ATP6V1A: variants seen among roughly 807,000 people sequenced by gnomAD.
ATP6V1A encodes the protein ATPase H+ transporting V1 subunit A.
A neutral mutation model predicts 70.1 loss-of-function variants in ATP6V1A; 18 were observed. That is an observed-to-expected ratio of 0.26 (90% CI 0.18 to 0.38). The LOEUF (loss-of-function observed/expected upper bound fraction) is 0.38, where lower values mean the gene tolerates loss of function less well. ATP6V1A is among the 10% of genes least tolerant of loss of function. ATP6V1A has a pLI of 1.00. For missense variants in ATP6V1A, 424 were observed against 772.4 expected (o/e 0.55, Z 5.35); for synonymous variants, 232 against 253.8 (o/e 0.91, Z 0.82).
At chr3:113,805,245 C>A (rs1343016799) in intron 13 of ATP6V1A, 109 bp from the exon 14 acceptor site, 3 of 1,075,628 alleles carry the variant, frequency 2.8e-6, no homozygotes, top group Admixed American at 2.8e-5. Flanking sequence ...AATAAATAAG[C>A]AATCTGCATA....
At chr3:113,774,367 A>G (rs1014947026) in intron 1 of ATP6V1A, among the ~76,000 whole-genome samples, 1 of 152,342 alleles carries the variant, frequency 6.6e-6, no homozygotes, top group East Asian at 1.9e-4. Flanking sequence ...CATCAGTATT[A>G]CTTTTCTGTT....
chr3:113,750,606 A>C (rs911462173), intron 1 of ATP6V1A, among the ~76,000 whole-genome samples: 3 of 152,230 alleles, frequency 2.0e-5, no homozygotes, highest in Non-Finnish European at 2.9e-5. Context: ...TGGCCCTACC[A>C]CTTAATAACT....
chr3:113,790,365 C>CG (rs374206096), intron 8 of ATP6V1A, among the ~76,000 whole-genome samples: 5 of 147,926 alleles, frequency 3.4e-5, no homozygotes, highest in African/African-American at 1.2e-4. Flanking sequence ...GAATGTAAGA[C>CG]ATTTATAGAG....
Position 113,781,180 on chromosome 3 carries a change from T to C in ATP6V1A, c.211+2T>C, listed in dbSNP as rs1708972812. 1 of 1,603,242 alleles carries C rather than the reference T, an allele frequency of 6.2e-7. No individual in the cohort carries two copies. Among genetic ancestry groups the C allele is most frequent in the East Asian group, 2.3e-5 (1 of 44,388 alleles). ...CTATTCAGGTGTATGAAGAAACTTG[T>C]ATCCTTTTTGGCTCAATTTCCTGCC... On this transcript the variant is annotated splice_donor_variant, in intron 3 of 14. Coordinates refer to ENST00000273398, the MANE Select transcript of ATP6V1A (RefSeq NM_001690.4). LOFTEE classifies it high-confidence loss of function.
intron 1 of ATP6V1A, among the ~76,000 whole-genome samples, chr3:113,755,431 CAAAA>C (rs1184456240): frequency 2.6e-5 from 1 of 38,042 alleles, no homozygotes. Context: ...CATGTCTGTA[CAAAA>C]AAAAAAAAAA....
intron 12 of ATP6V1A, 46 bp downstream of exon 12, chr3:113,798,492 G>C (rs776553315): frequency 1.3e-6 from 2 of 1,593,570 alleles, no homozygotes; most frequent in Non-Finnish European, 8.6e-7. Flanking sequence ...GGTTACACTG[G>C]GGTGTTTCAA....
In ATP6V1A at chr3:113,755,203, T is replaced by A. The variant is rs1427591418; in HGVS notation, c.-14+8090T>A. On this transcript the variant is annotated intron_variant, in intron 1 of 14. Coordinates refer to ENST00000273398, the MANE Select transcript of ATP6V1A (RefSeq NM_001690.4). ...GAGGAGTTACTTGTGTCTTTTTGCA[T>A]TGCATTTTTCTCAACTTTAAAATAA... is the stretch of plus-strand genomic sequence containing the variant. 4.6e-5 allele frequency among the ~76,000 whole-genome samples: 7 copies of A among 152,278 alleles called. No homozygotes were observed. The South Asian group carries it at 1.5e-3, about 32-fold the overall frequency.
In ATP6V1A at chr3:113,798,357, T is replaced by C. The variant is rs766232174; in HGVS notation, c.1405T>C (p.Phe469Leu). The C allele has an allele frequency of 6.2e-7, 1 of 1,613,938 alleles. No homozygotes were observed. The highest frequency in any genetic ancestry group is 8.5e-7 in the Non-Finnish European group (1 of 1,179,950). ...RALDEYYDKH[F>L]TEFVPLRTKA... ...CTTGGATGAATACTATGACAAACACTTCACAGAGTTCGTTCCTCTGAGGAC... is the reference window on the plus strand; with the variant it reads ...CTTGGATGAATACTATGACAAACACCTCACAGAGTTCGTTCCTCTGAGGAC... The change falls in exon 12 of 15, where the codon TTC becomes CTC. Residue 469 changes from phenylalanine to leucine, a missense_variant. This residue lies in a region of ATP6V1A where 127 missense variants were observed against 207.9 expected (regional missense o/e 0.61). Transcript: ENST00000273398.
At chr3:113,808,079 G>C (rs1709297044) in intron 14 of ATP6V1A, among the ~76,000 whole-genome samples, 1 of 149,224 alleles carries the variant, frequency 6.7e-6, no homozygotes, top group South Asian at 2.1e-4. Context: ...GCGGTGAGCT[G>C]AGATCACACC....
At chr3:113,808,809 A>G (rs1559762747) in intron 14 of ATP6V1A, among the ~76,000 whole-genome samples, 1 of 152,200 alleles carries the variant, frequency 6.6e-6, no homozygotes, top group African/African-American at 2.4e-5. Flanking sequence ...TGTGGTTATC[A>G]GGCAAAATGC....
At chr3:113,770,305 C>G (rs1708820397) in intron 1 of ATP6V1A, among the ~76,000 whole-genome samples, 1 of 152,172 alleles carries the variant, frequency 6.6e-6, no homozygotes, top group Admixed American at 6.5e-5. Flanking sequence ...CTGCCTCGGC[C>G]TCCCAAAGTT....
intron 3 of ATP6V1A, among the ~76,000 whole-genome samples, chr3:113,782,540 CTCTA>C (rs1281115132): frequency 1.1e-4 from 16 of 144,566 alleles, no homozygotes; most frequent in South Asian, 4.3e-4. Flanking sequence ...CTCTCTCTCT[CTCTA>C]TATATATATA....
intron 11 of ATP6V1A, among the ~76,000 whole-genome samples, chr3:113,797,713 C>A (rs556213296): frequency 1.2e-4 from 18 of 152,104 alleles, no homozygotes; most frequent in African/African-American, 4.1e-4. Flanking sequence ...ATTTTAAATT[C>A]GATTTGTAGG....
rs1232022908 is a variant in ATP6V1A at position 113,810,875 on chromosome 3, G to A, written c.*1448G>A. ...CTTTCATATGGTTTTTGGTTCACTG[G>A]CTTAAGAGGTTTCTCAGAATATCTA... is the stretch of plus-strand genomic sequence containing the variant. On this transcript the variant is annotated 3_prime_UTR_variant, in exon 15 of 15. Transcript: ENST00000273398. The A allele has an allele frequency of 1.3e-5, 2 of 152,130 alleles. No individual in the cohort carries two copies. The highest frequency in any genetic ancestry group is 2.4e-5 in the African/African-American group (1 of 41,422). The allele number at this position is 152,130 out of a possible 1,614,324, so 9.4% of individuals were successfully genotyped here.
rs573046978 is a variant in ATP6V1A at position 113,807,704 on chromosome 3, G to A, written c.1762-1631G>A. Among the ~76,000 whole-genome samples, 13 of 152,220 alleles carry A rather than the reference G, an allele frequency of 8.5e-5. 1 individual carries two copies. The highest frequency in any genetic ancestry group is 2.9e-4 in the African/African-American group (12 of 41,534). Reference sequence around the variant, plus strand: ...AAGAGGATGAAGAAGAAATATACCTGTAGTAATGATGATTTCTATTTACAT... The same window carrying A: ...AAGAGGATGAAGAAGAAATATACCTATAGTAATGATGATTTCTATTTACAT... On this transcript the variant is annotated intron_variant, in intron 14 of 14. Transcript: ENST00000273398.
At chr3:113,805,574 T>C (rs775888112) in intron 14 of ATP6V1A, 49 bp downstream of exon 14, 3 of 1,536,812 alleles carry the variant, frequency 2.0e-6, no homozygotes, top group Admixed American at 3.8e-5. Context: ...ATGCTTCTTT[T>C]TTTCTTTTTT....
chr3:113,784,762 A>G lies in ATP6V1A; in HGVS notation c.493A>G (p.Lys165Glu), dbSNP rs2108030006. Residue 165 changes from lysine (K) to glutamate (E), a missense_variant, in exon 5 of 15, where the codon AAA (lysine) becomes GAA (glutamate). Lys to Glu is a moderately conservative substitution (Grantham distance 56). Around this residue, in one of 9 missense-constraint regions of ATP6V1A, gnomAD observed 139 missense variants for 163.5 expected, o/e 0.85. Transcript: ENST00000273398. ...IVSENSLIKH[K>E]IMLPPRNRGT... is the part of the protein sequence containing the mutation. ...CAGTGAGAACTCGCTTATCAAACACAAAATCATGTTACCCCCACGAAACAG... is the reference window on the plus strand; with the variant it reads ...CAGTGAGAACTCGCTTATCAAACACGAAATCATGTTACCCCCACGAAACAG... 6.2e-7 allele frequency: 1 copy of G among 1,614,150 alleles called. No homozygotes were observed. Among genetic ancestry groups the G allele is most frequent in the Non-Finnish European group, 8.5e-7 (1 of 1,180,010 alleles).
At chr3:113,747,645 T>A (rs764262117) in intron 1 of ATP6V1A, among the ~76,000 whole-genome samples, 6 of 152,324 alleles carry the variant, frequency 3.9e-5, no homozygotes, top group Non-Finnish European at 8.8e-5. Flanking sequence ...TCTAAGGATT[T>A]TATCTGACAT....
chr3:113,808,785 C>T (rs1216723094), intron 14 of ATP6V1A, among the ~76,000 whole-genome samples: 1 of 152,050 alleles, frequency 6.6e-6, no homozygotes, highest in East Asian at 1.9e-4. Flanking sequence ...AGGATAAAGG[C>T]TTTGGTCACT....
Sources: allele counts gnomAD v4.1 joint callset (sites outside exome capture counted in the v4.1 genomes callset), GRCh38; gene constraint gnomAD v4.1.1; regional missense constraint gnomAD v4.1.1; transcripts MANE v1.5; gene names NCBI Gene and HGNC (gene_info 2026-07-23, HGNC 2026-07-21).